Variants in GSE1 observed in about 807,000 individuals in gnomAD.
The protein encoded by GSE1 is genetic suppressor element 1.
A neutral mutation model predicts 112.6 loss-of-function variants in GSE1; 32 were observed. The ratio of observed to expected loss-of-function variants is 0.28; its 90% confidence interval spans 0.21 to 0.38. The LOEUF (loss-of-function observed/expected upper bound fraction) is 0.38, where lower values mean the gene tolerates loss of function less well. GSE1 is among the 10% of genes least tolerant of loss of function. GSE1 has a pLI of 1.00. For synonymous variants in GSE1, 1,115 were observed against 735.6 expected, an observed-to-expected ratio of 1.52 and a Z score of -8.35; for missense variants, 2,348 against 1,699.2, an observed-to-expected ratio of 1.38 and a Z score of -6.71.
chr16:85,529,240 C>T (rs1212094997), intron 2 of GSE1, among the ~76,000 whole-genome samples: 2 of 152,156 alleles, frequency 1.3e-5, no homozygotes, highest in Non-Finnish European at 2.9e-5. Flanking sequence ...GAAGCTGTGC[C>T]ATCGGTGTGT....
Position 85,675,427 on chromosome 16 carries a change from G to A in GSE1, c.*2888G>A, listed in dbSNP as rs1025118699. On this transcript the variant is annotated 3_prime_UTR_variant, in exon 16 of 16. Transcript: ENST00000253458. ...TAAAATATCATGTTCCTAATCTGTTGTCTCAGATAAGTGACCAAGACGGGA... is the reference window on the plus strand; with the variant it reads ...TAAAATATCATGTTCCTAATCTGTTATCTCAGATAAGTGACCAAGACGGGA... 6.6e-6 allele frequency: 1 copy of A among 152,196 alleles called. No individual in the cohort carries two copies. Among genetic ancestry groups the A allele is most frequent in the Non-Finnish European group, 1.5e-5 (1 of 68,046 alleles). 9.4% of individuals were successfully genotyped at this position (152,196 alleles called of 1,614,324 possible).
At chr16:85,524,076 C>T (rs568548646) in intron 2 of GSE1, among the ~76,000 whole-genome samples, 1 of 152,306 alleles carries the variant, frequency 6.6e-6, no homozygotes, top group African/African-American at 2.4e-5. Context: ...CAGCCAGGAG[C>T]CCCTCATCCC....
intron 2 of GSE1, among the ~76,000 whole-genome samples, chr16:85,414,172 C>T (rs1468285878): frequency 6.6e-6 from 1 of 152,204 alleles, no homozygotes. Context: ...TTCCATGCCA[C>T]AGGTCTATGG....
intron 2 of GSE1, among the ~76,000 whole-genome samples, chr16:85,384,756 A>T (rs11149739): frequency 0.32 from 48,663 of 152,076 alleles, 9,458 homozygotes; most frequent in Middle Eastern, 0.47. Flanking sequence ...GGCTCTCCTG[A>T]GGGGACAAGA....
At chr16:85,189,385 T>G (rs1392908420) in intron 1 of GSE1, among the ~76,000 whole-genome samples, 1 of 152,184 alleles carries the variant, frequency 6.6e-6, no homozygotes, top group Non-Finnish European at 1.5e-5. Flanking sequence ...CCTCTATTGT[T>G]TTTCTTTTGT....
chr16:85,616,941 G>T (rs1233428700), intron 1 of GSE1, among the ~76,000 whole-genome samples: 8 of 152,188 alleles, frequency 5.3e-5, no homozygotes, highest in Non-Finnish European at 1.0e-4. Context: ...CCCTTTGCAT[G>T]CCTGCCAAAC....
intron 2 of GSE1, among the ~76,000 whole-genome samples, chr16:85,375,610 G>C (rs967839359): frequency 3.3e-5 from 5 of 152,136 alleles, no homozygotes; most frequent in African/African-American, 1.2e-4. Context: ...AGGTATAGGG[G>C]AAGCTGGGGT....
At chr16:85,486,376 AG>A (rs763175617) in intron 2 of GSE1, among the ~76,000 whole-genome samples, 1 of 152,204 alleles carries the variant, frequency 6.6e-6, no homozygotes, top group Non-Finnish European at 1.5e-5. Context: ...CAAGGGCAGC[AG>A]GGACCCTCCC....
At chr16:85,561,974 CG>C (rs1164286222) in intron 1 of GSE1, among the ~76,000 whole-genome samples, 1 of 152,186 alleles carries the variant, frequency 6.6e-6, no homozygotes, top group African/African-American at 2.4e-5. Context: ...GGAGCCGAGG[CG>C]GGGACGGGGC....
chr16:85,507,949 G>C (rs577346598), intron 2 of GSE1, among the ~76,000 whole-genome samples: 64 of 152,304 alleles, frequency 4.2e-4, no homozygotes, highest in Admixed American at 1.2e-3. Flanking sequence ...ATGGGCCCCT[G>C]CATGACAAAG....
At chr16:85,258,136 C>G (rs1235505000) in intron 1 of GSE1, among the ~76,000 whole-genome samples, 1 of 152,168 alleles carries the variant, frequency 6.6e-6, no homozygotes, top group African/African-American at 2.4e-5. Flanking sequence ...AGAGTGTGCA[C>G]CTAGAAGGCC....
At chr16:85,394,112 A>G (rs2047912097) in intron 2 of GSE1, among the ~76,000 whole-genome samples, 1 of 151,422 alleles carries the variant, frequency 6.6e-6, no homozygotes, top group Admixed American at 6.6e-5. Context: ...GGGAGAATGA[A>G]CATTCGGGCT....
intron 2 of GSE1, among the ~76,000 whole-genome samples, chr16:85,482,457 C>T (rs1597901927): frequency 6.6e-6 from 1 of 152,272 alleles, no homozygotes. Context: ...ACTCGAGCGA[C>T]CCGCGACCTG....
intron 2 of GSE1, among the ~76,000 whole-genome samples, chr16:85,394,980 G>T (rs1257518740): frequency 1.3e-5 from 2 of 152,186 alleles, no homozygotes; most frequent in African/African-American, 4.8e-5. Flanking sequence ...TGGCAATTGA[G>T]TCGGGCCTTG....
chr16:85,621,237 C>T (rs1248943684), intron 1 of GSE1, among the ~76,000 whole-genome samples: 11 of 152,090 alleles, frequency 7.2e-5, no homozygotes, highest in East Asian at 1.9e-4. Context: ...TTGGGGAACC[C>T]GTTTAGATGG....
At chr16:85,411,661 C>G (rs149367825) in intron 2 of GSE1, among the ~76,000 whole-genome samples, 527 of 2,470 alleles carry the variant, frequency 0.21, 220 homozygotes, top group Middle Eastern at 1. Flanking sequence ...AATCCTCACT[C>G]TTACACTCAG....
At chr16:85,261,108 C>A (rs1260436080) in intron 1 of GSE1, among the ~76,000 whole-genome samples, 1 of 152,206 alleles carries the variant, frequency 6.6e-6, no homozygotes, top group Non-Finnish European at 1.5e-5. Context: ...CAGCCCTTAC[C>A]ACCCCCGCCT....
At chr16:85,209,188 A>C (rs895539834) in intron 1 of GSE1, among the ~76,000 whole-genome samples, 2 of 152,178 alleles carry the variant, frequency 1.3e-5, no homozygotes, top group African/African-American at 4.8e-5. Flanking sequence ...TGGCCTGCAG[A>C]AGCTGCGCAG....
At chr16:85,545,769 T>C (rs1598129101) in intron 2 of GSE1, among the ~76,000 whole-genome samples, 1 of 151,474 alleles carries the variant, frequency 6.6e-6, no homozygotes. Context: ...GTTTGTTTTT[T>C]TGGTTTGTTT....
Sources: gnomAD v4.1 joint callset for allele counts (sites outside exome capture counted in the v4.1 genomes callset) on GRCh38, gnomAD v4.1.1 for gene constraint, MANE v1.5 for transcripts, NCBI Gene and HGNC (gene_info 2026-07-23, HGNC 2026-07-21) for gene names.